Variants in RABGAP1L observed in about 807,000 individuals in gnomAD.
The protein encoded by RABGAP1L is rab GTPase-activating protein 1-like.
A neutral mutation model predicts 137.7 loss-of-function variants in RABGAP1L; 63 were observed. That is an observed-to-expected ratio of 0.46 (90% confidence interval 0.37 to 0.56). The LOEUF is 0.56. Among genes scored for constraint, RABGAP1L ranks in the 20% least tolerant of loss-of-function variants. The pLI is 0.00. For synonymous variants in RABGAP1L, 431 were observed against 433.7 expected (o/e 0.99, Z 0.08); for missense variants, 1,095 against 1,244.0 (o/e 0.88, Z 1.80).
chr1:174,929,174 C>T (rs1006873623), intron 19 of RABGAP1L, among the ~76,000 whole-genome samples: 1 of 151,992 alleles, frequency 6.6e-6, no homozygotes, highest in African/African-American at 2.4e-5. Flanking sequence ...TGTAACAAAC[C>T]TGAACACTGT....
chr1:174,855,911 T>C (rs1649208484), intron 19 of RABGAP1L, among the ~76,000 whole-genome samples: 1 of 152,240 alleles, frequency 6.6e-6, no homozygotes, highest in Admixed American at 6.5e-5. Context: ...GCTTTGTACA[T>C]AGAAAGCACT....
intron 13 of RABGAP1L, among the ~76,000 whole-genome samples, chr1:174,435,602 T>C (rs1653169813): frequency 6.6e-6 from 1 of 152,156 alleles, no homozygotes; most frequent in African/African-American, 2.4e-5. Context: ...ATTTTTAGAC[T>C]TTCTTCTTCT....
rs182269082 is a variant in RABGAP1L at position 174,620,586 on chromosome 1, C to T, written c.1711-16789C>T. Among the ~76,000 whole-genome samples, 206 of 152,100 alleles carry T rather than the reference C, an allele frequency of 1.4e-3. 1 individual carries two copies. Among genetic ancestry groups the T allele is most frequent in the African/African-American group, 3.6e-3 (149 of 41,470 alleles). ...AAATAAAGATGTTCTTTGAAACCAA[C>T]GAGAACAAAGACACAACGTACCAGA... On this transcript the variant is annotated intron_variant, in intron 13 of 25. Transcript: ENST00000681986.
rs577189538 is a variant in RABGAP1L, at chr1:174,752,108, G to A, written c.2170-205G>A. Among the ~76,000 whole-genome samples the A allele has an allele frequency of 2.6e-5, 4 of 152,066 alleles. No individual in the cohort carries two copies. The East Asian group carries it at 5.8e-4, about 22-fold the overall frequency. ...ACTTATTGTAAAAACAATTTTATGT[G>A]AACATTGATTAAATAGCACCTAAAA... On this transcript the variant is annotated intron_variant, in intron 17 of 25. Coordinates refer to ENST00000681986, the MANE Select transcript of RABGAP1L (RefSeq NM_001366446.1).
intron 13 of RABGAP1L, among the ~76,000 whole-genome samples, chr1:174,408,661 A>C (rs1318813039): frequency 6.6e-6 from 1 of 152,150 alleles, no homozygotes; most frequent in Admixed American, 6.6e-5. Flanking sequence ...GGCTGTAATA[A>C]TTTACATTCC....
At chr1:174,776,715 G>T (rs1686557356) in intron 18 of RABGAP1L, among the ~76,000 whole-genome samples, 1 of 152,060 alleles carries the variant, frequency 6.6e-6, no homozygotes, top group Non-Finnish European at 1.5e-5. Flanking sequence ...TTTTAATGGT[G>T]GTTACCCTGA....
intron 1 of RABGAP1L, among the ~76,000 whole-genome samples, chr1:174,190,217 C>G (rs1227743520): frequency 6.6e-6 from 1 of 150,604 alleles, no homozygotes; most frequent in African/African-American, 2.4e-5. Context: ...CCAGGAGAAT[C>G]ACTTGAACGC....
intron 13 of RABGAP1L, among the ~76,000 whole-genome samples, chr1:174,537,385 A>G (rs1664974236): frequency 6.6e-6 from 1 of 152,172 alleles, no homozygotes; most frequent in East Asian, 1.9e-4. Context: ...CAAAAGTTTT[A>G]CTGGAGAAAT....
chr1:174,839,028 C>CATGTGT, intron 19 of RABGAP1L, among the ~76,000 whole-genome samples: 1 of 130,104 alleles, frequency 7.7e-6, no homozygotes, highest in East Asian at 2.3e-4. Flanking sequence ...AACTTTTTTA[C>CATGTGT]GTGTGTGTGT....
chr1:174,925,404 A>G (rs1480352716), intron 19 of RABGAP1L, among the ~76,000 whole-genome samples: 1 of 151,572 alleles, frequency 6.6e-6, no homozygotes, highest in South Asian at 2.1e-4. Context: ...AACAAAAAAA[A>G]CAGCTGGTGA....
chr1:174,375,029 G>A (rs1362023031), intron 12 of RABGAP1L, among the ~76,000 whole-genome samples: 2 of 152,096 alleles, frequency 1.3e-5, no homozygotes, highest in East Asian at 1.9e-4. Context: ...GTTAAAAGTC[G>A]ACATGCTTAT....
At chr1:174,392,197 G>T (rs1647239858) in intron 12 of RABGAP1L, among the ~76,000 whole-genome samples, 1 of 152,126 alleles carries the variant, frequency 6.6e-6, no homozygotes, top group Non-Finnish European at 1.5e-5. Context: ...GATTATAAAA[G>T]AATTTAAAAT....
rs570213496 is a variant in RABGAP1L at position 174,948,441 on chromosome 1, C to T, written c.2341-9016C>T. Among the ~76,000 whole-genome samples the T allele has an allele frequency of 2.7e-5, 4 of 147,794 alleles. No homozygotes were observed. The Middle Eastern group carries it at 0.01, about 388-fold the overall frequency. On this transcript the variant is annotated intron_variant, in intron 19 of 25. Transcript: ENST00000681986. ...CTAAGAGGTGGGACTATCACTTGAG[C>T]CCAGGAGGTCGAGGCTACAGTGAGC...
intron 19 of RABGAP1L, among the ~76,000 whole-genome samples, chr1:174,841,645 A>C (rs928113632): frequency 1.3e-5 from 2 of 152,084 alleles, no homozygotes; most frequent in Non-Finnish European, 2.9e-5. Flanking sequence ...TAAGTTTATA[A>C]AATCAAAAAG....
intron 19 of RABGAP1L, among the ~76,000 whole-genome samples, chr1:174,840,382 A>G (rs1693243802): frequency 6.6e-6 from 1 of 152,216 alleles, no homozygotes; most frequent in Admixed American, 6.5e-5. Context: ...AAATGCAGTT[A>G]AAAATGCCCA....
intron 19 of RABGAP1L, among the ~76,000 whole-genome samples, chr1:174,870,861 C>T (rs1652073258): frequency 6.6e-6 from 1 of 151,926 alleles, no homozygotes; most frequent in Admixed American, 6.6e-5. Flanking sequence ...CCTCAGCCTC[C>T]TGAGTAGCTG....
rs755705196 is a variant in RABGAP1L, at chr1:174,957,454, C to T, written c.2341-3C>T. ...TAACATGGTTTTCCTCAAATCCCTG[C>T]AGGTACCAACCAAGAAGCTGAAGAA... On this transcript the variant is annotated splice_polypyrimidine_tract_variant and splice_region_variant and intron_variant, in intron 19 of 25. Transcript: ENST00000681986. The T allele has an allele frequency of 6.2e-7, 1 of 1,610,296 alleles. No individual in the cohort carries two copies. Among genetic ancestry groups the T allele is most frequent in the South Asian group, 1.1e-5 (1 of 90,986 alleles).
intron 1 of RABGAP1L, among the ~76,000 whole-genome samples, chr1:174,210,965 T>A (rs1219951459): frequency 2.6e-5 from 4 of 152,116 alleles, no homozygotes; most frequent in African/African-American, 4.8e-5. Context: ...AGGAAAAAAC[T>A]TTTACTCTAG....
chr1:174,983,519 T>G (rs1294818570), intron 24 of RABGAP1L, among the ~76,000 whole-genome samples: 1 of 152,182 alleles, frequency 6.6e-6, no homozygotes, highest in Non-Finnish European at 1.5e-5. Flanking sequence ...GAGGCAATAT[T>G]GTCATAGTCA....
Sources: gnomAD v4.1 joint callset for allele counts (sites outside exome capture counted in the v4.1 genomes callset) on GRCh38, gnomAD v4.1.1 for gene constraint, MANE v1.5 for transcripts, NCBI Gene and HGNC (gene_info 2026-07-23, HGNC 2026-07-21) for gene names.